ABHD2: variants seen among roughly 807,000 people sequenced by gnomAD.
ABHD2 encodes monoacylglycerol lipase ABHD2.
In ABHD2, 20 loss-of-function variants were observed where a neutral mutation model predicts 48.1. The ratio of observed to expected loss-of-function variants is 0.42; its 90% CI spans 0.29 to 0.60. The LOEUF (loss-of-function observed/expected upper bound fraction) is 0.60. Among genes scored for constraint, ABHD2 ranks in the 20% least tolerant of loss-of-function variants. ABHD2 has a pLI of 0.24. For synonymous variants in ABHD2, 209 were observed against 214.2 expected, an observed-to-expected ratio of 0.98 and a Z score of 0.21; for missense variants, 405 against 550.9, an observed-to-expected ratio of 0.74 and a Z score of 2.65.
chr15:89,077,197 C>T, the ABHD2 span, among the ~76,000 whole-genome samples: 1 of 152,180 alleles, frequency 6.6e-6, no homozygotes, highest in African/African-American at 2.4e-5. Context: ...CTTTTTCACA[C>T]CACAGCCATG....
At chr15:89,139,159 C>T (rs560883378) in intron 3 of ABHD2, among the ~76,000 whole-genome samples, 59 of 152,184 alleles carry the variant, frequency 3.9e-4, no homozygotes, top group African/African-American at 1.4e-3. Context: ...TGCAGTGAGC[C>T]GTAGTTGTAC....
chr15:89,088,744 G>T lies in ABHD2; in HGVS notation c.-107+181G>T, dbSNP rs1305228046. Among the ~76,000 whole-genome samples the T allele has an allele frequency of 6.6e-6, 1 of 152,234 alleles. No homozygotes were observed. Among genetic ancestry groups the T allele is most frequent in the African/African-American group, 2.4e-5 (1 of 41,470 alleles). On this transcript the variant is annotated intron_variant, in intron 1 of 10. Coordinates refer to ENST00000352732, the MANE Select transcript of ABHD2 (RefSeq NM_152924.5). The surrounding 1 kb of genome is among the most constrained non-coding windows in gnomAD (Gnocchi z 6.8). ...CCCAGGGGCTGGCTTGCCCAGTGGTGGGGACAGCCCAGATCGCGGCGGGGG... is the reference window on the plus strand; with the variant it reads ...CCCAGGGGCTGGCTTGCCCAGTGGTTGGGACAGCCCAGATCGCGGCGGGGG...
In ABHD2 at chr15:89,188,129, A is replaced by G; in HGVS notation, c.816-64A>G. 1.4e-6 allele frequency: 2 copies of G among 1,426,586 alleles called. No homozygotes were observed. Among genetic ancestry groups the G allele is most frequent in the Non-Finnish European group, 2.0e-6 (2 of 1,012,538 alleles). 88.4% of individuals were successfully genotyped at this position (1,426,586 alleles called of 1,614,324 possible). ...TCCTGGCTTGCTGTGGCAAGGAAGC[A>G]GGCTATGCCATGGTTGTTCATCCTC... On this transcript the variant is annotated intron_variant, in intron 7 of 10. Transcript: ENST00000352732. The surrounding 1 kb of genome is among the most constrained non-coding windows in gnomAD (Gnocchi z 4.1).
At chr15:89,069,674 CT>C in the ABHD2 span, among the ~76,000 whole-genome samples, 547 of 52,840 alleles carry the variant, frequency 0.01, 3 homozygotes, top group African/African-American at 0.037. Context: ...TTCATTTACT[CT>C]TTTTTTTTTT....
At chr15:89,081,586 G>T in the ABHD2 span, among the ~76,000 whole-genome samples, 1 of 152,144 alleles carries the variant, frequency 6.6e-6, no homozygotes, top group African/African-American at 2.4e-5. Flanking sequence ...GTAATAGTTG[G>T]CCGGGTGCAG....
chr15:89,073,520 C>A, the ABHD2 span, among the ~76,000 whole-genome samples: 1 of 147,818 alleles, frequency 6.8e-6, no homozygotes, highest in South Asian at 2.2e-4. Flanking sequence ...TGGTCTCGAA[C>A]TCCTGACCTC....
rs111436651 is a variant in ABHD2 at position 89,155,470 on chromosome 15, C to T, written c.474C>T (p.Ala158=). Residue 158 remains alanine (A), a synonymous_variant, in exon 5 of 11, where the codon GCC becomes GCT. Transcript: ENST00000352732. This position sits in a 1 kb window ranked among gnomAD's most constrained non-coding sequence, Gnocchi z 4.9. ...DYAQKNGYRC[A]VLNHLGALPN... is the part of the protein sequence containing the mutation. ...CCCAGAAAAATGGCTATCGGTGCGC[C>T]GTGCTGAACCACCTGGGTGCCCTGC... is the stretch of plus-strand genomic sequence containing the variant. 9.7e-4 allele frequency: 1,572 copies of T among 1,614,180 alleles called. 15 individuals carry two copies. The African/African-American group carries it at 0.018, about 18-fold the overall frequency.
At position 89,168,063 on chromosome 15, in the gene ABHD2, G is replaced by A. The variant is rs2150915654; in HGVS notation, c.539-7749G>A. ...GATGACTCAGAGTCTCCATCCACAAGGAACACCAAGTCTCGAGTCCCTGTA... is the reference window on the plus strand; with the variant it reads ...GATGACTCAGAGTCTCCATCCACAAAGAACACCAAGTCTCGAGTCCCTGTA... On this transcript the variant is annotated intron_variant, in intron 5 of 10. Transcript: ENST00000352732. The surrounding 1 kb of genome is among the most constrained non-coding windows in gnomAD (Gnocchi z 4.8). Among the ~76,000 whole-genome samples, 1 of 152,154 alleles carries A rather than the reference G, an allele frequency of 6.6e-6. No individual in the cohort carries two copies. Among genetic ancestry groups the A allele is most frequent in the East Asian group, 1.9e-4 (1 of 5,192 alleles).
Position 89,175,926 on chromosome 15 carries a change from G to A in ABHD2, c.653G>A (p.Gly218Glu). The change falls in exon 6 of 11, where the codon GGG becomes GAG. Residue 218 changes from glycine (G) to glutamate (E), a missense_variant. Physicochemically the swap from Gly to Glu is moderately conservative, Grantham distance 98. Coordinates refer to ENST00000352732, the MANE Select transcript of ABHD2 (RefSeq NM_152924.5). The surrounding 1 kb of genome is among the most constrained non-coding windows in gnomAD (Gnocchi z 5.7). ...LGGNIVCKYL[G>E]ETQANQEKVL... ...GGTAACATTGTGTGCAAATACTTGGGGGAGACTCAGGCAAACCAAGAGAAG... is the reference window on the plus strand; with the variant it reads ...GGTAACATTGTGTGCAAATACTTGGAGGAGACTCAGGCAAACCAAGAGAAG... 6.2e-7 allele frequency: 1 copy of A among 1,614,070 alleles called. No homozygotes were observed. The highest frequency in any genetic ancestry group is 8.5e-7 in the Non-Finnish European group (1 of 1,179,984).
chr15:89,149,398 A>C (rs564461190), intron 3 of ABHD2, among the ~76,000 whole-genome samples: 14 of 152,290 alleles, frequency 9.2e-5, no homozygotes, highest in African/African-American at 2.2e-4. Context: ...AAAAACATAT[A>C]TTTGTCCTTT....
chr15:89,113,094 A>C lies in ABHD2; in HGVS notation c.-106-631A>C, dbSNP rs773451731. 2.0e-5 allele frequency among the ~76,000 whole-genome samples: 3 copies of C among 152,186 alleles called. No individual in the cohort carries two copies. The East Asian group carries it at 5.8e-4, about 29-fold the overall frequency. ...CATAGATCTTTTAGCAGCTTCTTGC[A>C]CTAGGCTCAGCTCAGGTCCCCCATC... On this transcript the variant is annotated intron_variant, in intron 1 of 10. Coordinates refer to ENST00000352732, the MANE Select transcript of ABHD2 (RefSeq NM_152924.5).
chr15:89,059,441 C>T, the ABHD2 span, among the ~76,000 whole-genome samples: 1 of 152,140 alleles, frequency 6.6e-6, no homozygotes, highest in African/African-American at 2.4e-5. Flanking sequence ...ACCCACAGAT[C>T]TGATCAAAAT....
At chr15:89,041,022 C>T in the ABHD2 span, among the ~76,000 whole-genome samples, 1 of 152,238 alleles carries the variant, frequency 6.6e-6, no homozygotes. Context: ...AAGATGCCAG[C>T]AGAGGCTTGA....
At chr15:89,052,203 G>A in the ABHD2 span, among the ~76,000 whole-genome samples, 602 of 152,206 alleles carry the variant, frequency 4.0e-3, 2 homozygotes, top group African/African-American at 0.014. Context: ...ACCTCATTGT[G>A]GGGCTGGACC....
chr15:89,098,935 A>G (rs2049657191), intron 1 of ABHD2, among the ~76,000 whole-genome samples: 1 of 152,196 alleles, frequency 6.6e-6, no homozygotes, highest in African/African-American at 2.4e-5. Flanking sequence ...GTAAAGCTGA[A>G]TTATCAAGGC....
At chr15:89,144,173 G>A (rs549209757) in intron 3 of ABHD2, among the ~76,000 whole-genome samples, 57 of 151,776 alleles carry the variant, frequency 3.8e-4, no homozygotes, top group African/African-American at 1.2e-3. Flanking sequence ...TCACTCTGTC[G>A]CCCAGGCTTT....
At chr15:89,074,497 T>C in the ABHD2 span, among the ~76,000 whole-genome samples, 1 of 152,108 alleles carries the variant, frequency 6.6e-6, no homozygotes, top group Admixed American at 6.5e-5. Flanking sequence ...AACAAATTCC[T>C]CAGGGGATTC....
chr15:89,084,901 G>A (rs1047323076), upstream of ABHD2, among the ~76,000 whole-genome samples: 1 of 152,084 alleles, frequency 6.6e-6, no homozygotes, highest in Non-Finnish European at 1.5e-5. The surrounding 1 kb of genome is among the most constrained non-coding windows in gnomAD (Gnocchi z 4.4). Context: ...TGCTGTACTC[G>A]CCCAAGGTCA....
chr15:89,156,079 C>A (rs2050668169), intron 5 of ABHD2, among the ~76,000 whole-genome samples: 1 of 148,562 alleles, frequency 6.7e-6, no homozygotes, highest in Non-Finnish European at 1.5e-5. Context: ...GTGGCTCATG[C>A]CTGTAATCCC....
Sources: gnomAD v4.1 joint callset for allele counts (sites outside exome capture counted in the v4.1 genomes callset) on GRCh38, gnomAD v4.1.1 for gene constraint, Gnocchi (gnomAD v3.1) non-coding constraint, MANE v1.5 for transcripts, NCBI Gene and HGNC (gene_info 2026-07-23, HGNC 2026-07-21) for gene names.